The following JAKMIP3 variants were observed in gnomAD, a reference collection of about 807,000 sequenced individuals.
JAKMIP3 encodes janus kinase and microtubule-interacting protein 3.
Under a neutral mutation model 118.5 loss-of-function variants are expected in JAKMIP3, and 58 were observed. That is an observed-to-expected ratio of 0.49 (90% CI 0.40 to 0.61). JAKMIP3 has a LOEUF of 0.61. JAKMIP3 is among the 20% of genes least tolerant of loss of function. JAKMIP3 has a pLI of 0.00. For missense variants in JAKMIP3, 950 were observed against 1,109.0 expected (o/e 0.86, Z 2.04); for synonymous variants, 486 against 451.2 (o/e 1.08, Z -0.98).
At chr10:132,145,874 G>C (rs1188358609) in intron 13 of JAKMIP3, among the ~76,000 whole-genome samples, 1 of 152,204 alleles carries the variant, frequency 6.6e-6, no homozygotes, top group Non-Finnish European at 1.5e-5. Flanking sequence ...TGGTTCTGTG[G>C]GTGGGCTGGT....
chr10:132,041,873 T>C (rs1370490673), intron 1 of JAKMIP3, among the ~76,000 whole-genome samples: 2 of 152,082 alleles, frequency 1.3e-5, no homozygotes, highest in Non-Finnish European at 2.9e-5. Context: ...TCTTTTCTTT[T>C]TTTTTTCTTT....
At chr10:132,065,491 G>T (rs2038650417), upstream of JAKMIP3, among the ~76,000 whole-genome samples, 1 of 152,092 alleles carries the variant, frequency 6.6e-6, no homozygotes, top group South Asian at 2.1e-4. This position sits in a 1 kb window ranked among gnomAD's most constrained non-coding sequence, Gnocchi z 5.6. Flanking sequence ...TCTCCAAGCA[G>T]GAGGGAAAGC....
chr10:132,042,027 T>C (rs1589997325), intron 1 of JAKMIP3, among the ~76,000 whole-genome samples: 2 of 151,944 alleles, frequency 1.3e-5, no homozygotes, highest in African/African-American at 4.8e-5. Context: ...CCACCACACC[T>C]GGCTAATTTT....
rs757728403 is a variant in JAKMIP3 at position 132,117,327 on chromosome 10, A to G, written c.386A>G (p.Glu129Gly). Residue 129 changes from glutamate (E) to glycine (G), a missense_variant, in exon 3 of 24, where the codon GAA becomes GGA. By Grantham distance (98) the Glu-to-Gly change is moderately conservative. Transcript: ENST00000684848. The surrounding 1 kb of genome is among the most constrained non-coding windows in gnomAD (Gnocchi z 8.6). Reference protein sequence around the residue: ...LLSALRDGGPEKVKTVLLSEA... With the variant: ...LLSALRDGGPGKVKTVLLSEA... ...AGTGCCCTGCGTGATGGCGGCCCCG[A>G]AAAGGTCAAGACCGTGCTGCTGTCC... The G allele has an allele frequency of 1.9e-6, 3 of 1,613,824 alleles. No individual in the cohort carries two copies. The highest frequency in any genetic ancestry group is 1.3e-5 in the African/African-American group (1 of 74,926).
At chr10:132,043,640 G>T (rs1046769539) in intron 1 of JAKMIP3, among the ~76,000 whole-genome samples, 18 of 152,188 alleles carry the variant, frequency 1.2e-4, no homozygotes, top group African/African-American at 3.6e-4. Context: ...CTTTACCAAT[G>T]TGGGGGTCCA....
At chr10:132,151,214 A>T (rs536097528) in intron 16 of JAKMIP3, among the ~76,000 whole-genome samples, 9 of 152,160 alleles carry the variant, frequency 5.9e-5, no homozygotes, top group Admixed American at 3.3e-4. Flanking sequence ...TCCATCATTC[A>T]TTCATTCATC....
At chr10:132,107,646 C>G (rs542626349) in intron 2 of JAKMIP3, among the ~76,000 whole-genome samples, 2 of 152,352 alleles carry the variant, frequency 1.3e-5, no homozygotes, top group Non-Finnish European at 2.9e-5. Flanking sequence ...TGACAGCATG[C>G]TGGATGCACA....
At chr10:132,180,538 TGTGTGTGCGTGCGTGCATGC>T (rs1488599176) in intron 23 of JAKMIP3, among the ~76,000 whole-genome samples, 1 of 27,226 alleles carries the variant, frequency 3.7e-5, no homozygotes, top group African/African-American at 2.1e-4. Flanking sequence ...TGTGTGTGTG[TGTGTGTGCGTGCGTGCATGC>T]GTGTGTGTGC....
At chr10:132,046,240 G>C (rs2037911476) in intron 1 of JAKMIP3, among the ~76,000 whole-genome samples, 1 of 152,126 alleles carries the variant, frequency 6.6e-6, no homozygotes, top group Non-Finnish European at 1.5e-5. Flanking sequence ...AGATCACAAG[G>C]TCAGGAGATC....
intron 2 of JAKMIP3, among the ~76,000 whole-genome samples, chr10:132,105,761 G>A (rs183682187): frequency 6.6e-6 from 1 of 152,040 alleles, no homozygotes; most frequent in Non-Finnish European, 1.5e-5. Flanking sequence ...GAAGGGGCTG[G>A]GAACGAAGGC....
chr10:132,136,216 C>A, intron 6 of JAKMIP3, 140 bp downstream of exon 6: 1 of 893,992 alleles, frequency 1.1e-6, no homozygotes, highest in Non-Finnish European at 1.7e-6. Context: ...TGGCCTCACG[C>A]ATGTTTGAAG....
At chr10:132,061,025 A>G (rs891132701), upstream of JAKMIP3, among the ~76,000 whole-genome samples, 1 of 152,208 alleles carries the variant, frequency 6.6e-6, no homozygotes, top group Non-Finnish European at 1.5e-5. Context: ...ACTCCATCTC[A>G]AGAAAAAAAA....
intron 3 of JAKMIP3, among the ~76,000 whole-genome samples, chr10:132,126,723 T>C (rs2049615677): frequency 6.6e-6 from 1 of 150,868 alleles, no homozygotes; most frequent in Admixed American, 6.7e-5. Context: ...GTCAAATGCT[T>C]TTTATGCATA....
chr10:132,107,068 A>C (rs1241183677), intron 2 of JAKMIP3, among the ~76,000 whole-genome samples: 3 of 87,558 alleles, frequency 3.4e-5, no homozygotes, highest in Admixed American at 9.4e-5. Flanking sequence ...TTTTTTTTTA[A>C]CTTTTTTGTA....
intron 14 of JAKMIP3, among the ~76,000 whole-genome samples, chr10:132,148,982 C>T (rs935660134): frequency 2.0e-5 from 3 of 152,196 alleles, no homozygotes; most frequent in East Asian, 1.9e-4. Context: ...TGGACGACCT[C>T]GGCCACGTGG....
chr10:132,101,955 C>T (rs1185970497), intron 1 of JAKMIP3, among the ~76,000 whole-genome samples: 1 of 151,738 alleles, frequency 6.6e-6, no homozygotes, highest in African/African-American at 2.4e-5. Context: ...GAGGTGGGCC[C>T]ACAGTTCTGG....
chr10:132,148,588 G>A (rs141222097), intron 14 of JAKMIP3, among the ~76,000 whole-genome samples: 3 of 152,324 alleles, frequency 2.0e-5, no homozygotes, highest in South Asian at 4.1e-4. Flanking sequence ...CTCCGCCGTC[G>A]GCAGACGTTT....
At chr10:132,131,672 G>C (rs1029765987) in intron 3 of JAKMIP3, among the ~76,000 whole-genome samples, 23 of 152,212 alleles carry the variant, frequency 1.5e-4, no homozygotes, top group Middle Eastern at 3.4e-3. Flanking sequence ...ATTCGTCCCA[G>C]TGGAAGATGC....
intron 23 of JAKMIP3, among the ~76,000 whole-genome samples, chr10:132,180,696 CGT>C (rs766228449): frequency 0.084 from 919 of 10,920 alleles, 216 homozygotes; most frequent in Middle Eastern, 0.25. Flanking sequence ...TGTGTGCGTG[CGT>C]GTGTGTGTGC....
Sources: allele counts gnomAD v4.1 joint callset (sites outside exome capture counted in the v4.1 genomes callset), GRCh38; gene constraint gnomAD v4.1.1; non-coding constraint Gnocchi (gnomAD v3.1); transcripts MANE v1.5; gene names NCBI Gene and HGNC (gene_info 2026-07-23, HGNC 2026-07-21).